The following CASC3 variants were observed in gnomAD, a reference collection of about 807,000 sequenced individuals.
CASC3 encodes the protein protein CASC3.
In CASC3, 30 loss-of-function variants were observed where a neutral mutation model predicts 80.5. The ratio of observed to expected loss-of-function variants is 0.37; its 90% CI spans 0.28 to 0.51. CASC3 has a LOEUF of 0.51. Among genes scored for constraint, CASC3 ranks in the 20% least tolerant of loss-of-function variants. The pLI is 0.94. For synonymous variants in CASC3, 312 were observed against 333.6 expected (o/e 0.94, Z 0.70); for missense variants, 824 against 922.2 (o/e 0.89, Z 1.38).
Position 40,162,031 on chromosome 17 carries a change from G to A in CASC3, c.486G>A (p.Val162=). The change falls in exon 5 of 14, where the codon GTG becomes GTA. Residue 162 remains valine, a synonymous_variant. Transcript: ENST00000264645. ...GCACAGAGCCTGTGGAGAACAAAGT[G>A]GGTAAAAAGGGCCCTAAGCATTTGG... ...QESTEPVENK[V]GKKGPKHLDD... is the part of the protein sequence containing the mutation. 1 of 1,614,018 alleles carries A rather than the reference G, an allele frequency of 6.2e-7. No individual in the cohort carries two copies. The highest frequency in any genetic ancestry group is 2.2e-5 in the East Asian group (1 of 44,874).
chr17:40,152,674 C>T (rs539391784), intron 3 of CASC3, among the ~76,000 whole-genome samples: 2 of 152,152 alleles, frequency 1.3e-5, no homozygotes, highest in East Asian at 1.9e-4. Flanking sequence ...GCTGTATTGC[C>T]CAGGCTGGTC....
At position 40,171,839 on chromosome 17, in the gene CASC3, T is replaced by A; in HGVS notation, c.*1434T>A. The A allele has an allele frequency of 8.4e-7, 1 of 1,186,990 alleles. No individual in the cohort carries two copies. 73.5% of individuals were successfully genotyped at this position (1,186,990 alleles called of 1,614,324 possible). On this transcript the variant is annotated 3_prime_UTR_variant, in exon 14 of 14. Coordinates refer to ENST00000264645, the MANE Select transcript of CASC3 (RefSeq NM_007359.5). ...TAGCAGCTGGCCTAATCACTCTGAG[T>A]CACAGGTGTGGGATGGAGAGTGGGG...
chr17:40,168,257 C>T lies in CASC3; in HGVS notation c.1805C>T (p.Pro602Leu). The change falls in exon 11 of 14, where the codon CCA becomes CTA. Residue 602 changes from proline to leucine, a missense_variant. By Grantham distance (98) the Pro-to-Leu change is moderately conservative. Transcript: ENST00000264645. Reference sequence around the variant, plus strand: ...CTGCCCAATCCAGGCCTCTATCCCCCACCAGTGTCCATGTCTCCAGGACAG... The same window carrying T: ...CTGCCCAATCCAGGCCTCTATCCCCTACCAGTGTCCATGTCTCCAGGACAG... ...APLPNPGLYP[P>L]PVSMSPGQPP... The T allele has an allele frequency of 1.2e-6, 2 of 1,614,176 alleles. No homozygotes were observed. Among genetic ancestry groups the T allele is most frequent in the South Asian group, 2.2e-5 (2 of 91,080 alleles).
chr17:40,141,457 C>T (rs1220012337), intron 2 of CASC3, 113 bp from the exon 3 acceptor site: 1 of 956,862 alleles, frequency 1.0e-6, no homozygotes. Context: ...ATAATTTTAT[C>T]CACGTTGTAG....
chr17:40,157,400 G>T (rs1403371669), intron 3 of CASC3, among the ~76,000 whole-genome samples: 1 of 151,846 alleles, frequency 6.6e-6, no homozygotes, highest in Non-Finnish European at 1.5e-5. Flanking sequence ...AAGGGGCTGG[G>T]CGTGGTGCCT....
intron 3 of CASC3, among the ~76,000 whole-genome samples, chr17:40,157,033 AC>A (rs111398422): frequency 0.065 from 9,777 of 151,476 alleles, 676 homozygotes; most frequent in African/African-American, 0.17. Context: ...ATACAGTGAG[AC>A]CCCATCTGTT....
In CASC3 at chr17:40,163,866, G is replaced by C. The variant is rs750323048; in HGVS notation, c.1171G>C (p.Ala391Pro). 6.2e-7 allele frequency: 1 copy of C among 1,614,190 alleles called. No individual in the cohort carries two copies. The highest frequency in any genetic ancestry group is 8.5e-7 in the Non-Finnish European group (1 of 1,180,044). The part of the protein sequence containing the change: ...SEPPAAAPDA[A>P]PPPPDRPIEK... The stretch of plus-strand genomic sequence containing the variant: ...GCCACCAGCTGCTGCTCCTGATGCT[G>C]CACCACCACCCCCTGATAGGCCCAT... Residue 391 changes from alanine (A) to proline (P), a missense_variant, in exon 7 of 14, where the codon GCA becomes CCA. By Grantham distance (27) the Ala-to-Pro change is conservative. Around this residue, in one of 3 missense-constraint regions of CASC3, gnomAD observed 464 missense variants for 506.0 expected, o/e 0.92. Coordinates refer to ENST00000264645, the MANE Select transcript of CASC3 (RefSeq NM_007359.5).
chr17:40,161,606 G>C (rs537680187), intron 3 of CASC3, 147 bp from the exon 4 acceptor site: 2 of 689,896 alleles, frequency 2.9e-6, no homozygotes, highest in East Asian at 2.6e-5. Context: ...TTGACCCCTG[G>C]AGGCAGAGGT....
intron 3 of CASC3, among the ~76,000 whole-genome samples, chr17:40,150,577 A>G (rs1988978012): frequency 1.3e-5 from 2 of 152,082 alleles, no homozygotes; most frequent in African/African-American, 2.4e-5. Context: ...TGAATGAGCT[A>G]TGGAGTCTAG....
At chr17:40,152,787 A>G (rs913826762) in intron 3 of CASC3, among the ~76,000 whole-genome samples, 5 of 149,968 alleles carry the variant, frequency 3.3e-5, no homozygotes, top group African/African-American at 1.2e-4. Flanking sequence ...CGCTATTATT[A>G]TTATTATTTT....
intron 3 of CASC3, among the ~76,000 whole-genome samples, chr17:40,151,476 T>G (rs981355487): frequency 6.6e-6 from 1 of 152,064 alleles, no homozygotes; most frequent in Admixed American, 6.6e-5. Context: ...CTTCCCAAAG[T>G]GCTGGGATTA....
At chr17:40,153,336 GA>G (rs879725450) in intron 3 of CASC3, among the ~76,000 whole-genome samples, 1 of 152,000 alleles carries the variant, frequency 6.6e-6, no homozygotes, top group Non-Finnish European at 1.5e-5. Flanking sequence ...TTTTAGGGCA[GA>G]ATTAGATTCC....
chr17:40,160,973 C>CT (rs962308593), intron 3 of CASC3, among the ~76,000 whole-genome samples: 3 of 151,294 alleles, frequency 2.0e-5, no homozygotes, highest in Non-Finnish European at 4.4e-5. Context: ...AAAATAGTGT[C>CT]TTTTTTTTAT....
chr17:40,140,820 G>T, intron 1 of CASC3, 41 bp downstream of exon 1: 4 of 891,154 alleles, frequency 4.5e-6, no homozygotes, highest in South Asian at 1.8e-5. Context: ...ACCGGGCGGC[G>T]AGCCGGCCGG....
At position 40,170,961 on chromosome 17, in the gene CASC3, G is replaced by T. The variant is rs891292905; in HGVS notation, c.*556G>T. Reference sequence around the variant, plus strand: ...TCTTCCGTGCATCCCAGATAATGGAGAATGTATCAGCCAGCCTTCCCCACC... The same window carrying T: ...TCTTCCGTGCATCCCAGATAATGGATAATGTATCAGCCAGCCTTCCCCACC... On this transcript the variant is annotated 3_prime_UTR_variant, in exon 14 of 14. Coordinates refer to ENST00000264645, the MANE Select transcript of CASC3 (RefSeq NM_007359.5). 6 of 985,398 alleles carry T rather than the reference G, an allele frequency of 6.1e-6. No individual in the cohort carries two copies. The South Asian group carries it at 2.8e-4, about 46-fold the overall frequency. 61.0% of individuals were successfully genotyped at this position (985,398 alleles called of 1,614,324 possible).
chr17:40,161,796 A>G lies in CASC3; in HGVS notation c.341A>G (p.Glu114Gly). ...EYSEEENSKV[E>G]LKSEANDAVN... is the part of the protein sequence containing the mutation. ...AGTGAAGAGGAAAACTCCAAAGTGG[A>G]GCTGAAATCAGAAGCTAATGATGCT... The change falls in exon 4 of 14, where the codon GAG becomes GGG. Residue 114 changes from glutamate to glycine, a missense_variant. Transcript: ENST00000264645. The G allele has an allele frequency of 6.2e-7, 1 of 1,614,144 alleles. No homozygotes were observed. The highest frequency in any genetic ancestry group is 8.5e-7 in the Non-Finnish European group (1 of 1,180,010).
At chr17:40,141,062 C>A in intron 1 of CASC3, 145 bp from the exon 2 acceptor site, 2 of 782,090 alleles carry the variant, frequency 2.6e-6, no homozygotes, top group Non-Finnish European at 4.4e-6. Flanking sequence ...CCTGCCTTGG[C>A]TACTACTTGA....
chr17:40,159,191 C>T (rs900767408), intron 3 of CASC3, among the ~76,000 whole-genome samples: 15 of 152,038 alleles, frequency 9.9e-5, no homozygotes, highest in African/African-American at 3.6e-4. Flanking sequence ...CAGTTGAGAT[C>T]ACACCACTGC....
Position 40,144,956 on chromosome 17 carries a change from G to A in CASC3, c.297+3349G>A, listed in dbSNP as rs960635861. On this transcript the variant is annotated intron_variant, in intron 3 of 13. Transcript: ENST00000264645. ...GCTCACTGCAACCTCTGCCTCCTGG[G>A]TTCAAGCGATTCTCCTGCCTCAGCC... is the stretch of plus-strand genomic sequence containing the variant. Among the ~76,000 whole-genome samples, 5 of 151,470 alleles carry A rather than the reference G, an allele frequency of 3.3e-5. No homozygotes were observed. The South Asian group carries it at 1.0e-3, about 32-fold the overall frequency.
Sources: gnomAD v4.1 joint callset for allele counts (sites outside exome capture counted in the v4.1 genomes callset) on GRCh38, gnomAD v4.1.1 for gene constraint, gnomAD v4.1.1 regional missense constraint, MANE v1.5 for transcripts, NCBI Gene and HGNC (gene_info 2026-07-23, HGNC 2026-07-21) for gene names.